Variants in KAZN observed in about 807,000 individuals in gnomAD.
The protein encoded by KAZN is kazrin.
Under a neutral mutation model 87.4 loss-of-function variants are expected in KAZN, and 40 were observed. The ratio of observed to expected loss-of-function variants is 0.46; its 90% CI spans 0.36 to 0.60. KAZN has a LOEUF of 0.60. Among genes scored for constraint, KAZN ranks in the 20% least tolerant of loss-of-function variants. The pLI is 0.00. For missense variants in KAZN, 898 were observed against 1,073.9 expected, an observed-to-expected ratio of 0.84 and a Z score of 2.29; for synonymous variants, 466 against 458.3, an observed-to-expected ratio of 1.02 and a Z score of -0.22.
chr1:14,188,876 G>A (rs1646368291), intron 2 of KAZN, among the ~76,000 whole-genome samples: 1 of 151,994 alleles, frequency 6.6e-6, no homozygotes, highest in African/African-American at 2.4e-5. Context: ...TCTTTTTAAG[G>A]TTGTAGCTCC....
At chr1:14,791,841 C>T (rs1269247976) in intron 1 of KAZN, among the ~76,000 whole-genome samples, 1 of 152,238 alleles carries the variant, frequency 6.6e-6, no homozygotes, top group Non-Finnish European at 1.5e-5. Context: ...TTGCTTTCAG[C>T]AGCGCGTTTG....
At chr1:14,406,632 C>T (rs2101162533) in intron 2 of KAZN, among the ~76,000 whole-genome samples, 1 of 152,256 alleles carries the variant, frequency 6.6e-6, no homozygotes, top group African/African-American at 2.4e-5. Flanking sequence ...TCTCACAAAT[C>T]ACCACTAAAA....
intron 2 of KAZN, among the ~76,000 whole-genome samples, chr1:14,333,168 A>G (rs1447289752): frequency 6.6e-6 from 1 of 152,158 alleles, no homozygotes; most frequent in East Asian, 1.9e-4. Flanking sequence ...TAGTTTGCTG[A>G]GGAAAATGGC....
intron 8 of KAZN, among the ~76,000 whole-genome samples, chr1:15,084,259 G>C (rs549956885): frequency 6.6e-6 from 1 of 152,154 alleles, no homozygotes; most frequent in African/African-American, 2.4e-5. Flanking sequence ...TGATGACCTC[G>C]GCAATCACTT....
chr1:15,101,238 G>GTC (rs886903079), intron 10 of KAZN, among the ~76,000 whole-genome samples: 11 of 144,868 alleles, frequency 7.6e-5, no homozygotes, highest in African/African-American at 2.5e-4. Context: ...TTCTCTCAGT[G>GTC]TCTCTCTCTC....
At chr1:14,672,250 T>C (rs535342329) in intron 1 of KAZN, among the ~76,000 whole-genome samples, 1 of 152,296 alleles carries the variant, frequency 6.6e-6, no homozygotes, top group Non-Finnish European at 1.5e-5. Context: ...GTGCTACACT[T>C]CATGGTTCAC....
At chr1:14,931,220 T>G (rs12045267) in intron 1 of KAZN, among the ~76,000 whole-genome samples, 1 of 151,744 alleles carries the variant, frequency 6.6e-6, no homozygotes, top group South Asian at 2.1e-4. Context: ...GCGGAGCACT[T>G]GAGGTCAGGA....
chr1:14,480,111 A>G (rs1284950747), intron 2 of KAZN, among the ~76,000 whole-genome samples: 4 of 152,250 alleles, frequency 2.6e-5, no homozygotes, highest in Admixed American at 2.6e-4. Context: ...GAGACCAGAG[A>G]ATCAAGATAA....
intron 1 of KAZN, among the ~76,000 whole-genome samples, chr1:14,688,440 C>T (rs1641085535): frequency 6.6e-6 from 1 of 152,238 alleles, no homozygotes; most frequent in Non-Finnish European, 1.5e-5. Context: ...CATGCACACT[C>T]ATCACGTGCC....
At chr1:14,767,863 G>C (rs1644924974) in intron 1 of KAZN, among the ~76,000 whole-genome samples, 1 of 152,202 alleles carries the variant, frequency 6.6e-6, no homozygotes, top group Admixed American at 6.5e-5. Context: ...TGAGCTGCCA[G>C]AATGTGGAAT....
intron 2 of KAZN, among the ~76,000 whole-genome samples, chr1:14,975,142 A>T (rs1665466967): frequency 6.6e-6 from 1 of 152,238 alleles, no homozygotes; most frequent in African/African-American, 2.4e-5. Flanking sequence ...GAAGACAGGC[A>T]GACTGTGCCA....
chr1:14,627,252 C>T (rs1471079803), intron 1 of KAZN, among the ~76,000 whole-genome samples: 2 of 151,998 alleles, frequency 1.3e-5, no homozygotes, highest in South Asian at 2.1e-4. Flanking sequence ...AGCGTCTCAG[C>T]ATCCAAACAG....
intron 2 of KAZN, among the ~76,000 whole-genome samples, chr1:14,503,303 T>G (rs1224289487): frequency 6.6e-6 from 1 of 150,400 alleles, no homozygotes; most frequent in African/African-American, 2.5e-5. Flanking sequence ...CTAACAACGG[T>G]GAAACCCCAT....
chr1:14,278,926 CTTTTTTTTTTT>C (rs77998358), intron 2 of KAZN, among the ~76,000 whole-genome samples: 1 of 97,770 alleles, frequency 1.0e-5, no homozygotes, highest in Admixed American at 1.3e-4. Flanking sequence ...TCAAATTCAG[CTTTTTTTTTTT>C]TTTTTTTTTT....
chr1:14,761,369 A>G (rs1220787891), intron 1 of KAZN, among the ~76,000 whole-genome samples: 2 of 152,062 alleles, frequency 1.3e-5, no homozygotes, highest in Non-Finnish European at 2.9e-5. Context: ...CTATCACCTC[A>G]GTCATTAATT....
chr1:13,946,134 T>TG (rs1355327056), intron 1 of KAZN, among the ~76,000 whole-genome samples: 3 of 152,234 alleles, frequency 2.0e-5, no homozygotes. Flanking sequence ...CAGCAATTTC[T>TG]GGTGCTTTTC....
intron 2 of KAZN, among the ~76,000 whole-genome samples, chr1:14,987,608 G>A (rs1666954398): frequency 6.6e-6 from 1 of 152,228 alleles, no homozygotes; most frequent in Non-Finnish European, 1.5e-5. Flanking sequence ...GCTGAGGACA[G>A]GAATGAGCTT....
At chr1:14,868,325 A>G (rs1488050024) in intron 1 of KAZN, among the ~76,000 whole-genome samples, 1 of 152,202 alleles carries the variant, frequency 6.6e-6, no homozygotes, top group African/African-American at 2.4e-5. Flanking sequence ...TTTACTACTA[A>G]TTGCTATTGC....
intron 1 of KAZN, among the ~76,000 whole-genome samples, chr1:13,945,009 TATC>T (rs1336103932): frequency 6.6e-6 from 1 of 151,988 alleles, no homozygotes; most frequent in Admixed American, 6.6e-5. Context: ...GAGAAAGAGA[TATC>T]ATTGTAAACA....
Sources: gnomAD v4.1 joint callset for allele counts (sites outside exome capture counted in the v4.1 genomes callset) on GRCh38, gnomAD v4.1.1 for gene constraint, MANE v1.5 for transcripts, NCBI Gene and HGNC (gene_info 2026-07-23, HGNC 2026-07-21) for gene names.